The following NFIA variants were observed in gnomAD, a reference collection of about 807,000 sequenced individuals.
The protein encoded by NFIA is nuclear factor I A.
In NFIA, 8 loss-of-function variants were observed where a neutral mutation model predicts 62.8. The ratio of observed to expected loss-of-function variants is 0.13; its 90% confidence interval spans 0.07 to 0.23. The LOEUF (loss-of-function observed/expected upper bound fraction) is 0.23, where lower values mean the gene tolerates loss of function less well. Ranked by LOEUF, NFIA falls within the 10% of genes least tolerant of loss-of-function variation. The pLI, the probability that NFIA is intolerant of heterozygous loss-of-function variation, is 1.00. For synonymous variants in NFIA, 235 were observed against 238.1 expected (o/e 0.99, Z 0.12); for missense variants, 410 against 642.1 (o/e 0.64, Z 3.91).
At chr1:61,351,019 A>G (rs1383624758) in intron 4 of NFIA, among the ~76,000 whole-genome samples, 3 of 152,236 alleles carry the variant, frequency 2.0e-5, no homozygotes, top group African/African-American at 4.8e-5. Flanking sequence ...ACATGTGTTC[A>G]GTAGAAGTCA....
chr1:61,155,159 T>G (rs1648699378), intron 2 of NFIA, among the ~76,000 whole-genome samples: 3 of 152,210 alleles, frequency 2.0e-5, no homozygotes, highest in Admixed American at 2.0e-4. Flanking sequence ...GAAGAAACAA[T>G]GAATATTCAT....
chr1:61,379,402 C>CTATT (rs1410203326), intron 6 of NFIA, among the ~76,000 whole-genome samples: 3 of 98,264 alleles, frequency 3.1e-5, no homozygotes, highest in Non-Finnish European at 2.0e-5. Context: ...TTTTCTTTTT[C>CTATT]TTTTTTTTTT....
intron 6 of NFIA, among the ~76,000 whole-genome samples, chr1:61,368,965 A>G (rs1159187131): frequency 6.6e-6 from 1 of 152,202 alleles, no homozygotes; most frequent in Non-Finnish European, 1.5e-5. Flanking sequence ...TAAGTACCCA[A>G]TGGCTGTAAT....
At chr1:61,123,720 A>G (rs1229924521) in intron 2 of NFIA, among the ~76,000 whole-genome samples, 1 of 152,170 alleles carries the variant, frequency 6.6e-6, no homozygotes, top group Non-Finnish European at 1.5e-5. Flanking sequence ...TGGCTTAATG[A>G]TATATTTCAG....
At chr1:61,394,154 A>G (rs997950202) in intron 7 of NFIA, among the ~76,000 whole-genome samples, 1 of 152,110 alleles carries the variant, frequency 6.6e-6, no homozygotes, top group Non-Finnish European at 1.5e-5. Context: ...AAGCCTTTCA[A>G]ATTGCGCTAT....
intron 3 of NFIA, among the ~76,000 whole-genome samples, chr1:61,304,285 AAGAG>A (rs376576764): frequency 0.011 from 1,690 of 151,444 alleles, 17 homozygotes; most frequent in Middle Eastern, 0.049. Flanking sequence ...AAAAAAGAAA[AAGAG>A]AGAGAGAGAG....
At chr1:61,251,995 A>G (rs1656072560) in intron 2 of NFIA, among the ~76,000 whole-genome samples, 1 of 152,160 alleles carries the variant, frequency 6.6e-6, no homozygotes, top group South Asian at 2.1e-4. Flanking sequence ...GGAGTTTCTT[A>G]TAATTATTTC....
intron 2 of NFIA, among the ~76,000 whole-genome samples, chr1:61,166,252 G>A (rs577632979): frequency 2.0e-4 from 30 of 152,246 alleles, no homozygotes; most frequent in Non-Finnish European, 3.2e-4. Context: ...TATGCCAGAC[G>A]CATTGAAATT....
upstream of NFIA, chr1:61,082,386 G>C (rs1426347522): frequency 8.0e-6 from 6 of 748,888 alleles, 1 homozygote; most frequent in South Asian, 3.5e-4. Context: ...CCCCCGCGGC[G>C]GCGGCGCGAG....
chr1:61,417,265 T>TTGAG, intron 9 of NFIA, among the ~76,000 whole-genome samples: 1 of 139,100 alleles, frequency 7.2e-6, no homozygotes, highest in Non-Finnish European at 1.5e-5. Context: ...TTCCTCATCT[T>TTGAG]TGTGTGTGTG....
intron 2 of NFIA, among the ~76,000 whole-genome samples, chr1:61,227,931 G>A (rs1308899639): frequency 6.6e-6 from 1 of 152,048 alleles, no homozygotes; most frequent in African/African-American, 2.4e-5. Flanking sequence ...CTAGCCTTTG[G>A]ACTGACCAAT....
Position 61,267,511 on chromosome 1 carries a change from G to GA in NFIA, c.560-9998dup, listed in dbSNP as rs543608873. Among the ~76,000 whole-genome samples the GA allele has an allele frequency of 5.6e-4, 81 of 144,046 alleles. 1 individual carries two copies. In the Middle Eastern group the frequency reaches 0.011, roughly 19 times the overall value. 94.5% of individuals were successfully genotyped at this position (144,046 alleles called of 152,430 possible). A position where few individuals can be genotyped will look rare whatever the true frequency, so the allele number is the denominator to read the frequency against. ...GCAACAAAGGGAGACTTCGTCTCAAGAAAAAAAAAAATTGGATACTTTACA... is the reference window on the plus strand; with the variant it reads ...GCAACAAAGGGAGACTTCGTCTCAAGAAAAAAAAAAAATTGGATACTTTACA... On this transcript the variant is annotated intron_variant, in intron 2 of 10. Coordinates refer to ENST00000403491, the MANE Select transcript of NFIA (RefSeq NM_001134673.4).
intron 2 of NFIA, among the ~76,000 whole-genome samples, chr1:61,193,541 C>T (rs1296276306): frequency 6.6e-6 from 1 of 152,146 alleles, no homozygotes; most frequent in African/African-American, 2.4e-5. Context: ...AAAAATAAGT[C>T]ATTCTTCCTC....
intron 2 of NFIA, among the ~76,000 whole-genome samples, chr1:61,187,492 G>A (rs755776229): frequency 6.6e-6 from 1 of 152,206 alleles, no homozygotes; most frequent in Non-Finnish European, 1.5e-5. Flanking sequence ...TCCTGGGGAA[G>A]TGTAAGGAGC....
chr1:61,102,678 T>C (rs1646532320), intron 2 of NFIA, among the ~76,000 whole-genome samples: 1 of 152,170 alleles, frequency 6.6e-6, no homozygotes. Flanking sequence ...GAATTATGAG[T>C]CTGCAGTATT....
At chr1:61,192,635 G>A (rs972056767) in intron 2 of NFIA, among the ~76,000 whole-genome samples, 3 of 151,900 alleles carry the variant, frequency 2.0e-5, no homozygotes, top group Non-Finnish European at 2.9e-5. Context: ...CTGGGGAGGC[G>A]GAGGTTGCAG....
At chr1:61,083,049 G>T (rs1432457147) in intron 1 of NFIA, among the ~76,000 whole-genome samples, 5 of 152,132 alleles carry the variant, frequency 3.3e-5, no homozygotes, top group African/African-American at 9.7e-5. Context: ...CATTCCTCTT[G>T]CACGGCCATT....
chr1:61,239,609 G>A (rs781423792), intron 2 of NFIA, among the ~76,000 whole-genome samples: 12 of 152,060 alleles, frequency 7.9e-5, no homozygotes, highest in Non-Finnish European at 1.6e-4. Context: ...TTGTAAGGTG[G>A]CTTAAAGTTT....
chr1:61,433,094 T>C (rs1255855369), intron 10 of NFIA, among the ~76,000 whole-genome samples: 1 of 152,208 alleles, frequency 6.6e-6, no homozygotes, highest in African/African-American at 2.4e-5. Flanking sequence ...CCATTTTCTC[T>C]TTAAAAGAGT....
Sources: allele counts gnomAD v4.1 joint callset (sites outside exome capture counted in the v4.1 genomes callset), GRCh38; gene constraint gnomAD v4.1.1; transcripts MANE v1.5; gene names NCBI Gene and HGNC (gene_info 2026-07-23, HGNC 2026-07-21).